TMEM132E: variants seen among roughly 807,000 people sequenced by gnomAD.
TMEM132E encodes transmembrane protein 132E.
Under a neutral mutation model 78.5 loss-of-function variants are expected in TMEM132E, and 49 were observed. The observed-to-expected ratio is 0.62, with a 90% CI of 0.50 to 0.79. The LOEUF (loss-of-function observed/expected upper bound fraction) is 0.79, where lower values mean the gene tolerates loss of function less well. Ranked by LOEUF, TMEM132E falls within the 30% of genes least tolerant of loss-of-function variation. The pLI, the probability that TMEM132E is intolerant of heterozygous loss-of-function variation, is 0.00. For missense variants in TMEM132E, 1,403 were observed against 1,470.9 expected, an observed-to-expected ratio of 0.95 and a Z score of 0.75; for synonymous variants, 715 against 670.6, an observed-to-expected ratio of 1.07 and a Z score of -1.02.
chr17:34,618,642 G>A (rs913828005), intron 1 of TMEM132E, among the ~76,000 whole-genome samples: 4 of 152,208 alleles, frequency 2.6e-5, no homozygotes, highest in Non-Finnish European at 4.4e-5. Flanking sequence ...TTTTGTAATT[G>A]CTTTCTAGAA....
rs140894465 is a variant in TMEM132E, at chr17:34,628,601, A to G, written c.1037A>G (p.Lys346Arg). ...AKKGVTLLGT[K>R]SRSGQWHVTS... ...AAGGGTGTGACCCTTTTAGGTACCA[A>G]GTCACGGAGTGGCCAGTGGCATGTG... Residue 346 changes from lysine (K) to arginine (R), a missense_variant, in exon 3 of 9, where the codon AAG (lysine) becomes AGG (arginine). Transcript: ENST00000631683. 31 of 1,613,980 alleles carry G rather than the reference A, an allele frequency of 1.9e-5. No individual in the cohort carries two copies. The African/African-American group carries it at 4.0e-4, about 21-fold the overall frequency.
At chr17:34,625,449 G>C (rs1425002324) in intron 1 of TMEM132E, among the ~76,000 whole-genome samples, 1 of 152,174 alleles carries the variant, frequency 6.6e-6, no homozygotes, top group African/African-American at 2.4e-5. Flanking sequence ...GGGGACCCCA[G>C]GTTCAAGTCC....
At chr17:34,591,185 C>G (rs940778801) in intron 1 of TMEM132E, among the ~76,000 whole-genome samples, 1 of 152,178 alleles carries the variant, frequency 6.6e-6, no homozygotes, top group Admixed American at 6.5e-5. Context: ...AAGGGACATG[C>G]CTGTGACTTC....
At chr17:34,598,754 C>T (rs991228348) in intron 1 of TMEM132E, among the ~76,000 whole-genome samples, 1 of 152,210 alleles carries the variant, frequency 6.6e-6, no homozygotes, top group Non-Finnish European at 1.5e-5. Context: ...AATTACCTTC[C>T]ACCAACTTGG....
Position 34,626,847 on chromosome 17 carries a change from C to A in TMEM132E, c.788C>A (p.Pro263His). 1 of 1,595,114 alleles carries A rather than the reference C, an allele frequency of 6.3e-7. No individual in the cohort carries two copies. ...GPGVGARAESPTQHPLLRIGS... is the reference protein window; with the variant it reads ...GPGVGARAESHTQHPLLRIGS... The stretch of plus-strand genomic sequence containing the variant: ...GGGGTGGGGGCCCGAGCGGAAAGCC[C>A]TACCCAGCACCCCCTGCTGCGCATC... The change falls in exon 2 of 9, where the codon CCT becomes CAT. Residue 263 changes from proline (P) to histidine (H), a missense_variant. Physicochemically the swap from Pro to His is moderately conservative, Grantham distance 77. This residue lies in a region of TMEM132E where 511 missense variants were observed against 499.0 expected (regional missense o/e 1.02). Transcript: ENST00000631683.
intron 5 of TMEM132E, among the ~76,000 whole-genome samples, chr17:34,630,969 G>C (rs1412763905): frequency 6.6e-6 from 1 of 152,168 alleles, no homozygotes; most frequent in East Asian, 1.9e-4. Flanking sequence ...CAGTAGAGTG[G>C]GCAGTGGTGT....
chr17:34,600,889 G>C (rs1207082498), intron 1 of TMEM132E, among the ~76,000 whole-genome samples: 1 of 152,224 alleles, frequency 6.6e-6, no homozygotes, highest in Non-Finnish European at 1.5e-5. Flanking sequence ...GGTCATGGAA[G>C]CAGGAGGTCA....
chr17:34,584,703 G>A (rs368329965), intron 1 of TMEM132E, among the ~76,000 whole-genome samples: 1 of 152,212 alleles, frequency 6.6e-6, no homozygotes, highest in South Asian at 2.1e-4. Context: ...GGGGTAGAGG[G>A]CAGAAGAGGG....
rs564573738 is a variant in TMEM132E, at chr17:34,629,112, C to T, written c.1246C>T (p.Arg416Cys). Residue 416 changes from arginine to cysteine, a missense_variant, in exon 4 of 9, where the codon CGT (arginine) becomes TGT (cysteine). Physicochemically the swap from Arg to Cys is radical, Grantham distance 180. Coordinates refer to ENST00000631683, the MANE Select transcript of TMEM132E (RefSeq NM_001304438.2). ...KRRIMWHIDY[R>C]GHGALPDLER... ...GAGGATCATGTGGCACATTGACTAC[C>T]GTGGCCACGGCGCCCTGCCTGACCT... 5 of 1,613,284 alleles carry T rather than the reference C, an allele frequency of 3.1e-6. No individual in the cohort carries two copies. The highest frequency in any genetic ancestry group is 2.7e-5 in the African/African-American group (2 of 75,026).
intron 1 of TMEM132E, among the ~76,000 whole-genome samples, chr17:34,599,583 C>G (rs1906167325): frequency 6.6e-6 from 1 of 152,194 alleles, no homozygotes; most frequent in African/African-American, 2.4e-5. Context: ...AAAGGCAACA[C>G]TTTTGTGAAA....
At position 34,629,151 on chromosome 17, in the gene TMEM132E, A is replaced by G. The variant is rs1907260786; in HGVS notation, c.1285A>G (p.Thr429Ala). The G allele has an allele frequency of 1.9e-6, 3 of 1,613,962 alleles. No individual in the cohort carries two copies. Among genetic ancestry groups the G allele is most frequent in the Admixed American group, 1.7e-5 (1 of 59,990 alleles). The change falls in exon 4 of 9, where the codon ACT (threonine) becomes GCT (alanine). Residue 429 changes from threonine to alanine, a missense_variant. Around this residue, in one of 3 missense-constraint regions of TMEM132E, gnomAD observed 888 missense variants for 952.8 expected, o/e 0.93. Transcript: ENST00000631683. Reference protein sequence around the residue: ...GALPDLERAVTELTVIQRDVQ... With the variant: ...GALPDLERAVAELTVIQRDVQ... ...CCTGCCTGACCTGGAGCGGGCAGTC[A>G]CTGAGCTGACGGTCATTCAGCGGGA... is the stretch of plus-strand genomic sequence containing the variant.
intron 1 of TMEM132E, among the ~76,000 whole-genome samples, chr17:34,619,056 T>A (rs1050029291): frequency 6.6e-6 from 1 of 152,210 alleles, no homozygotes; most frequent in South Asian, 2.1e-4. Context: ...GTTATACCAC[T>A]CCTGTGGTCC....
At chr17:34,603,684 C>A (rs571515102) in intron 1 of TMEM132E, among the ~76,000 whole-genome samples, 1 of 152,102 alleles carries the variant, frequency 6.6e-6, no homozygotes, top group Admixed American at 6.5e-5. Flanking sequence ...CAGCTCTTCC[C>A]CCTGGGTGTT....
chr17:34,632,597 C>T, intron 5 of TMEM132E, 107 bp from the exon 6 acceptor site: 1 of 1,187,452 alleles, frequency 8.4e-7, no homozygotes, highest in Non-Finnish European at 1.2e-6. Flanking sequence ...CCCCTTCAGC[C>T]TCCTAGGACT....
intron 1 of TMEM132E, among the ~76,000 whole-genome samples, chr17:34,622,115 G>A (rs1255276620): frequency 3.3e-5 from 5 of 152,170 alleles, no homozygotes; most frequent in Non-Finnish European, 7.3e-5. Context: ...TAGCACACAC[G>A]CGTGTGTGCA....
chr17:34,593,042 G>C (rs558525750), intron 1 of TMEM132E, among the ~76,000 whole-genome samples: 29 of 151,500 alleles, frequency 1.9e-4, no homozygotes, highest in African/African-American at 6.7e-4. Context: ...ATGAGAAAAA[G>C]TGAAAAGAAA....
Position 34,635,050 on chromosome 17 carries a change from C to T in TMEM132E, c.1940C>T (p.Thr647Met), listed in dbSNP as rs758121847. Residue 647 changes from threonine (T) to methionine (M), a missense_variant, in exon 7 of 9, where the codon ACG becomes ATG. Thr to Met is a moderately conservative substitution (Grantham distance 81). This residue lies in a region of TMEM132E where 888 missense variants were observed against 952.8 expected (regional missense o/e 0.93). Coordinates refer to ENST00000631683, the MANE Select transcript of TMEM132E (RefSeq NM_001304438.2). ...PRVAHMVDSS[T>M]LAGLEPGTTP... ...GTGGCACACATGGTGGACAGCAGCA[C>T]GCTGGCAGGACTGGAGCCAGGCACC... 1.8e-5 allele frequency: 29 copies of T among 1,613,886 alleles called. 1 individual carries two copies. The highest frequency in any genetic ancestry group is 1.8e-4 in the South Asian group (16 of 91,076).
chr17:34,621,364 G>A (rs1906955243), intron 1 of TMEM132E, among the ~76,000 whole-genome samples: 1 of 152,172 alleles, frequency 6.6e-6, no homozygotes, highest in Non-Finnish European at 1.5e-5. Flanking sequence ...CTCTCTGTGT[G>A]TGTCTGCATC....
intron 1 of TMEM132E, among the ~76,000 whole-genome samples, chr17:34,615,217 C>T (rs1408632826): frequency 6.6e-6 from 1 of 150,566 alleles, no homozygotes; most frequent in Admixed American, 6.6e-5. Flanking sequence ...TCATGGCCAC[C>T]TGTCCTTCTA....
Sources: allele counts gnomAD v4.1 joint callset (sites outside exome capture counted in the v4.1 genomes callset), GRCh38; gene constraint gnomAD v4.1.1; regional missense constraint gnomAD v4.1.1; transcripts MANE v1.5; gene names NCBI Gene and HGNC (gene_info 2026-07-23, HGNC 2026-07-21).